OPA3: variants seen among roughly 807,000 people sequenced by gnomAD.
The protein encoded by OPA3 is optic atrophy 3 protein.
In OPA3, 6 loss-of-function variants were observed where a neutral mutation model predicts 4.0. The ratio of observed to expected loss-of-function variants is 1.51; its 90% CI spans 0.83 to 2.99. The LOEUF (loss-of-function observed/expected upper bound fraction) is 2.99, where lower values mean the gene tolerates loss of function less well. Among genes scored for constraint, OPA3 ranks in the 30% most tolerant of loss-of-function variants. The pLI is 0.00. For synonymous variants in OPA3, 105 were observed against 117.1 expected, an observed-to-expected ratio of 0.90 and a Z score of 0.67; for missense variants, 235 against 256.2, an observed-to-expected ratio of 0.92 and a Z score of 0.56.
At chr19:45,563,950 A>G (rs972817109) in intron 1 of OPA3, among the ~76,000 whole-genome samples, 5 of 151,514 alleles carry the variant, frequency 3.3e-5, no homozygotes, top group African/African-American at 9.7e-5. Context: ...TTGGCCTCCC[A>G]AAGTGCTGGG....
chr19:45,577,255 C>A (rs1247967879), intron 1 of OPA3, among the ~76,000 whole-genome samples: 1 of 152,240 alleles, frequency 6.6e-6, no homozygotes, highest in Non-Finnish European at 1.5e-5. Flanking sequence ...TCCAGCCTCT[C>A]CTGTGAGACA....
At chr19:45,544,654 C>T (rs1421793166), downstream of OPA3, among the ~76,000 whole-genome samples, 1 of 152,112 alleles carries the variant, frequency 6.6e-6, no homozygotes, top group Non-Finnish European at 1.5e-5. Context: ...ATTAGCCGGG[C>T]GTGGTGGCAC....
At chr19:45,529,104 G>A in exon 2 of OPA3, 1 of 1,602,464 alleles carries the variant, frequency 6.2e-7, no homozygotes, top group East Asian at 2.2e-5. Context: ...GCGGGTCTCG[G>A]AGGCAGAGGT....
chr19:45,539,513 C>T (rs139879519), intron 1 of OPA3, among the ~76,000 whole-genome samples: 67 of 152,248 alleles, frequency 4.4e-4, no homozygotes, highest in African/African-American at 1.6e-3. Context: ...GATGAGGTCT[C>T]ACTATATTGC....
downstream of OPA3, among the ~76,000 whole-genome samples, chr19:45,542,400 G>A (rs553355728): frequency 6.6e-5 from 10 of 152,254 alleles, no homozygotes; most frequent in Non-Finnish European, 8.8e-5. Context: ...GGGCTTACAC[G>A]AACCTAGATA....
intron 1 of OPA3, among the ~76,000 whole-genome samples, chr19:45,533,808 G>A (rs183033298): frequency 2.4e-4 from 36 of 152,310 alleles, no homozygotes; most frequent in African/African-American, 6.7e-4. Context: ...TTGAACAAGC[G>A]GCTCCGTCCT....
At chr19:45,546,135 T>C (rs1022016898), downstream of OPA3, 1 of 152,188 alleles carries the variant, frequency 6.6e-6, no homozygotes, top group African/African-American at 2.4e-5. Context: ...GATATTAACA[T>C]ATCATCCAAT....
At position 45,551,007 on chromosome 19, in the gene OPA3, C is replaced by G; in HGVS notation, c.*2507G>C. 1 of 969,088 alleles carries G rather than the reference C, an allele frequency of 1.0e-6. No homozygotes were observed. Among genetic ancestry groups the G allele is most frequent in the Non-Finnish European group, 1.2e-6 (1 of 815,170 alleles). The allele number at this position is 969,088 out of a possible 1,614,324, so 60.0% of individuals were successfully genotyped here. A position where few individuals can be genotyped will look rare whatever the true frequency, so the allele number is the denominator to read the frequency against. ...AAAGGGTCTCACTCTGTCATCCAGG[C>G]TGGAGTGTAGTGGCGCGATCACGGC... is the stretch of plus-strand genomic sequence containing the variant. On this transcript the variant is annotated 3_prime_UTR_variant, in exon 2 of 2. Transcript: ENST00000263275.
chr19:45,552,218 G>T lies in OPA3; in HGVS notation c.*1296C>A. On this transcript the variant is annotated 3_prime_UTR_variant, in exon 2 of 2. Transcript: ENST00000263275. Reference sequence around the variant, plus strand: ...TGACTGCAGGCCAGGACCTTTTGTGGGTTTTTTTAAGATGGAGTTTTGCTC... The same window carrying T: ...TGACTGCAGGCCAGGACCTTTTGTGTGTTTTTTTAAGATGGAGTTTTGCTC... 4 of 964,048 alleles carry T rather than the reference G, an allele frequency of 4.1e-6. No homozygotes were observed. The highest frequency in any genetic ancestry group is 4.9e-6 in the Non-Finnish European group (4 of 817,340). The allele number at this position is 964,048 out of a possible 1,614,324, so 59.7% of individuals were successfully genotyped here. A position where few individuals can be genotyped will look rare whatever the true frequency, so the allele number is the denominator to read the frequency against.
In OPA3 at chr19:45,553,625, C is replaced by T. The variant is rs745373208; in HGVS notation, c.429G>A (p.Ala143=). The change falls in exon 2 of 2, where the codon GCG becomes GCA. Residue 143 remains alanine, a synonymous_variant. Transcript: ENST00000263275. The part of the protein sequence containing the change: ...LEALQAQVQA[A]PPQGALEELR... ...GTTCCTCCAGGGCGCCCTGTGGCGG[C>T]GCCGCCTGCACCTGCGCCTGCAGCG... The T allele has an allele frequency of 2.6e-5, 41 of 1,607,072 alleles. No individual in the cohort carries two copies. The highest frequency in any genetic ancestry group is 6.7e-5 in the East Asian group (3 of 44,808).
intron 1 of OPA3, among the ~76,000 whole-genome samples, chr19:45,536,242 A>T (rs916416427): frequency 2.5e-4 from 37 of 149,712 alleles, no homozygotes; most frequent in Admixed American, 6.7e-4. Flanking sequence ...AAAAAAAAAA[A>T]AATTAAAAAA....
chr19:45,541,091 C>T (rs974579599), intron 1 of OPA3, among the ~76,000 whole-genome samples: 1 of 152,162 alleles, frequency 6.6e-6, no homozygotes, highest in African/African-American at 2.4e-5. Flanking sequence ...ATGGCTTCCC[C>T]ATATGGGGAC....
At position 45,575,088 on chromosome 19, in the gene OPA3, G is replaced by A. The variant is rs557241236; in HGVS notation, c.142+9535C>T. 5.9e-5 allele frequency among the ~76,000 whole-genome samples: 9 copies of A among 152,054 alleles called. No individual in the cohort carries two copies. In the South Asian group the frequency reaches 1.9e-3, roughly 32 times the overall value. ...GCCACAAAGGTAACAGAAACTAAGAGTGACTGGGTTTTTTGTTTGTTTGCC... is the reference window on the plus strand; with the variant it reads ...GCCACAAAGGTAACAGAAACTAAGAATGACTGGGTTTTTTGTTTGTTTGCC... On this transcript the variant is annotated intron_variant, in intron 1 of 1. Coordinates refer to ENST00000263275, the MANE Select transcript of OPA3 (RefSeq NM_025136.4).
chr19:45,538,148 T>C (rs569266929), intron 1 of OPA3, among the ~76,000 whole-genome samples: 8 of 138,244 alleles, frequency 5.8e-5, no homozygotes, highest in Middle Eastern at 4.3e-3. Context: ...AAAAAGATTC[T>C]AGCTAGCTAT....
At position 45,553,380 on chromosome 19, in the gene OPA3, G is replaced by C; in HGVS notation, c.*134C>G. Reference sequence around the variant, plus strand: ...CAGGTAACGGCTGCTCTTATCAGCAGGGGTAACCAAATGCCAAGTTGCATC... The same window carrying C: ...CAGGTAACGGCTGCTCTTATCAGCACGGGTAACCAAATGCCAAGTTGCATC... On this transcript the variant is annotated 3_prime_UTR_variant, in exon 2 of 2. Coordinates refer to ENST00000263275, the MANE Select transcript of OPA3 (RefSeq NM_025136.4). 1 of 1,578,032 alleles carries C rather than the reference G, an allele frequency of 6.3e-7. No individual in the cohort carries two copies.
In OPA3 at chr19:45,553,486, C is replaced by A. The variant is rs367663395; in HGVS notation, c.*28G>T. 4 of 1,611,796 alleles carry A rather than the reference C, an allele frequency of 2.5e-6. No homozygotes were observed. Among genetic ancestry groups the A allele is most frequent in the Non-Finnish European group, 2.5e-6 (3 of 1,179,966 alleles). On this transcript the variant is annotated 3_prime_UTR_variant, in exon 2 of 2. Transcript: ENST00000263275. ...GCCACGTTAGGTACATAGGCCATGT[C>A]CAAATTCAGGTTCCATCCAGCAAGC...
chr19:45,545,478 C>T (rs2122408058), downstream of OPA3, among the ~76,000 whole-genome samples: 1 of 151,896 alleles, frequency 6.6e-6, no homozygotes, highest in African/African-American at 2.4e-5. Flanking sequence ...CTGCAGTGAG[C>T]CGTGATTGCA....
At chr19:45,583,807 A>T (rs2122526973) in intron 1 of OPA3, among the ~76,000 whole-genome samples, 1 of 152,180 alleles carries the variant, frequency 6.6e-6, no homozygotes, top group East Asian at 1.9e-4. Flanking sequence ...GGACCTTACT[A>T]TGCCCTTTAG....
downstream of OPA3, among the ~76,000 whole-genome samples, chr19:45,541,813 C>T (rs1969188830): frequency 6.6e-6 from 1 of 152,192 alleles, no homozygotes; most frequent in African/African-American, 2.4e-5. Flanking sequence ...GATCCTCCCA[C>T]CTTGGCCTCC....
Sources: gnomAD v4.1 joint callset for allele counts (sites outside exome capture counted in the v4.1 genomes callset) on GRCh38, gnomAD v4.1.1 for gene constraint, MANE v1.5 for transcripts, NCBI Gene and HGNC (gene_info 2026-07-23, HGNC 2026-07-21) for gene names.